The following SSBP3 variants were observed in gnomAD, a reference collection of about 807,000 sequenced individuals.
SSBP3 encodes the protein single stranded DNA binding protein 3.
SSBP3 carries 5 observed loss-of-function variants against 69.6 expected under a neutral mutation model. The observed-to-expected ratio is 0.07, with a 90% CI of 0.04 to 0.15. The LOEUF is 0.15. SSBP3 is among the 10% of genes least tolerant of loss of function. The pLI, the probability that SSBP3 is intolerant of heterozygous loss-of-function variation, is 1.00. For missense variants in SSBP3, 312 were observed against 534.0 expected (o/e 0.58, Z 4.10); for synonymous variants, 196 against 193.4 (o/e 1.01, Z -0.11).
At chr1:54,256,139 C>CCTCG (rs1644917246) in intron 7 of SSBP3, among the ~76,000 whole-genome samples, 1 of 151,984 alleles carries the variant, frequency 6.6e-6, no homozygotes, top group Non-Finnish European at 1.5e-5. Flanking sequence ...CCCTGCATCA[C>CCTCG]CTCACTCAGG....
intron 4 of SSBP3, among the ~76,000 whole-genome samples, chr1:54,321,116 G>C (rs1646204371): frequency 6.6e-6 from 1 of 152,192 alleles, no homozygotes; most frequent in South Asian, 2.1e-4. Flanking sequence ...GTTCATGCTG[G>C]AGAGACAGAG....
intron 4 of SSBP3, among the ~76,000 whole-genome samples, chr1:54,330,315 G>A (rs1375604353): frequency 6.6e-6 from 1 of 152,194 alleles, no homozygotes; most frequent in Admixed American, 6.5e-5. Flanking sequence ...CCAAGAGGGA[G>A]GCATGAATGG....
chr1:54,333,251 G>A (rs530585027), intron 4 of SSBP3, among the ~76,000 whole-genome samples: 2 of 152,252 alleles, frequency 1.3e-5, no homozygotes, highest in South Asian at 2.1e-4. Flanking sequence ...TAGACTCTCG[G>A]GAGAGAAGAT....
At chr1:54,339,166 A>AAAAAAG (rs889381627) in intron 4 of SSBP3, among the ~76,000 whole-genome samples, 7 of 152,202 alleles carry the variant, frequency 4.6e-5, no homozygotes, top group Non-Finnish European at 1.5e-5. Context: ...GTAACAGAAA[A>AAAAAAG]AAAAAGAAAA....
chr1:54,245,835 G>A (rs914003018), intron 9 of SSBP3, among the ~76,000 whole-genome samples: 9 of 152,248 alleles, frequency 5.9e-5, no homozygotes, highest in African/African-American at 2.2e-4. Flanking sequence ...CTGCCTGCTG[G>A]TGACTTTGGG....
chr1:54,228,223 G>T (rs1644320502), intron 17 of SSBP3, 32 bp downstream of exon 17: 1 of 1,596,602 alleles, frequency 6.3e-7, no homozygotes, highest in Non-Finnish European at 8.6e-7. Flanking sequence ...AGGCCGTGGG[G>T]ACGAGAGCAA....
intron 5 of SSBP3, among the ~76,000 whole-genome samples, chr1:54,264,565 C>A (rs1363750211): frequency 6.6e-6 from 1 of 152,180 alleles, no homozygotes; most frequent in Non-Finnish European, 1.5e-5. Flanking sequence ...GTGCTGAAGG[C>A]ACTGGTCCCA....
intron 4 of SSBP3, among the ~76,000 whole-genome samples, chr1:54,371,571 A>C (rs1569968138): frequency 1.3e-5 from 2 of 151,908 alleles, no homozygotes; most frequent in Non-Finnish European, 2.9e-5. Flanking sequence ...CTCTGGATGC[A>C]CTCTCCACCC....
At chr1:54,273,928 G>A (rs1645239997) in intron 5 of SSBP3, among the ~76,000 whole-genome samples, 1 of 152,236 alleles carries the variant, frequency 6.6e-6, no homozygotes, top group South Asian at 2.1e-4. Context: ...GAGCCCAGCA[G>A]TTGGGGCGCC....
chr1:54,322,609 G>A (rs548197899), intron 4 of SSBP3, among the ~76,000 whole-genome samples: 106 of 151,890 alleles, frequency 7.0e-4, no homozygotes, highest in African/African-American at 2.5e-3. Flanking sequence ...CATTATGTAT[G>A]CTAAAGAGAT....
intron 4 of SSBP3, among the ~76,000 whole-genome samples, chr1:54,375,622 A>C (rs914308848): frequency 1.3e-5 from 2 of 152,170 alleles, no homozygotes; most frequent in Admixed American, 6.5e-5. Flanking sequence ...CATTCATGAG[A>C]GGCGCCCCCA....
chr1:54,385,913 C>G (rs1648044653), intron 4 of SSBP3, among the ~76,000 whole-genome samples: 1 of 152,184 alleles, frequency 6.6e-6, no homozygotes, highest in South Asian at 2.1e-4. Flanking sequence ...CTTGGTTCCC[C>G]AGTACCCCAT....
intron 5 of SSBP3, among the ~76,000 whole-genome samples, chr1:54,276,283 G>A (rs1185929328): frequency 1.3e-5 from 2 of 152,076 alleles, no homozygotes; most frequent in East Asian, 3.9e-4. Flanking sequence ...GACCTCTGCT[G>A]GGTCTCTGTC....
exon 1 of SSBP3, chr1:54,406,084 GC>G: frequency 8.2e-7 from 1 of 1,224,822 alleles, no homozygotes; most frequent in Non-Finnish European, 1.1e-6. Context: ...CTCCCGAGCT[GC>G]CCCTCGCTCC....
intron 4 of SSBP3, among the ~76,000 whole-genome samples, chr1:54,318,304 G>A (rs1217736422): frequency 1.3e-5 from 2 of 152,156 alleles, no homozygotes; most frequent in Non-Finnish European, 2.9e-5. Flanking sequence ...CGTACAGAGA[G>A]CCATAATTTT....
intron 4 of SSBP3, among the ~76,000 whole-genome samples, chr1:54,295,456 G>A (rs11206320): frequency 0.46 from 69,475 of 151,932 alleles, 17,566 homozygotes; most frequent in East Asian, 0.85. Flanking sequence ...GTTTCCACCC[G>A]TGTCCCTTTC....
At chr1:54,404,239 C>T (rs1216755337) in intron 3 of SSBP3, among the ~76,000 whole-genome samples, 1 of 152,196 alleles carries the variant, frequency 6.6e-6, no homozygotes, top group Non-Finnish European at 1.5e-5. Context: ...CCCACCCCCA[C>T]TCCTCTAATT....
chr1:54,290,329 CA>C (rs1411650611), intron 4 of SSBP3, among the ~76,000 whole-genome samples: 1 of 152,162 alleles, frequency 6.6e-6, no homozygotes, highest in African/African-American at 2.4e-5. Context: ...GTAAGGTGCC[CA>C]GCCAGACTCA....
intron 4 of SSBP3, among the ~76,000 whole-genome samples, chr1:54,388,152 G>A (rs1648222516): frequency 6.6e-6 from 1 of 151,002 alleles, no homozygotes; most frequent in Admixed American, 6.6e-5. Flanking sequence ...TAAGACACAC[G>A]TTTACAGGTT....
Sources: gnomAD v4.1 joint callset for allele counts (sites outside exome capture counted in the v4.1 genomes callset) on GRCh38, gnomAD v4.1.1 for gene constraint, MANE v1.5 for transcripts, NCBI Gene and HGNC (gene_info 2026-07-23, HGNC 2026-07-21) for gene names.